Variants in VDR observed in about 807,000 individuals in gnomAD.
VDR encodes the protein vitamin D3 receptor.
A neutral mutation model predicts 39.7 loss-of-function variants in VDR; 19 were observed. The observed-to-expected ratio is 0.48, with a 90% CI of 0.33 to 0.70. The LOEUF (loss-of-function observed/expected upper bound fraction) is 0.70. Among genes scored for constraint, VDR ranks in the 30% least tolerant of loss-of-function variants. The pLI, the probability that VDR is intolerant of heterozygous loss-of-function variation, is 0.02. For synonymous variants in VDR, 242 were observed against 215.8 expected, an observed-to-expected ratio of 1.12 and a Z score of -1.07; for missense variants, 442 against 570.5, an observed-to-expected ratio of 0.77 and a Z score of 2.29.
intron 4 of VDR, among the ~76,000 whole-genome samples, chr12:47,860,381 C>T (rs1450398227): frequency 6.6e-6 from 1 of 152,166 alleles, no homozygotes; most frequent in Non-Finnish European, 1.5e-5. Context: ...ACAGATTACA[C>T]CAACTGTGTG....
At chr12:47,852,536 G>A (rs1945407248) in intron 7 of VDR, among the ~76,000 whole-genome samples, 1 of 152,176 alleles carries the variant, frequency 6.6e-6, no homozygotes. Flanking sequence ...CCTGCCAGAG[G>A]GGCCCTCGCT....
intron 3 of VDR, among the ~76,000 whole-genome samples, chr12:47,878,403 C>T (rs2137200000): frequency 6.6e-6 from 1 of 152,322 alleles, no homozygotes; most frequent in African/African-American, 2.4e-5. Flanking sequence ...TGGCCCTGAT[C>T]AAACAGGAAT....
chr12:47,870,061 C>T (rs1042425320), intron 3 of VDR, among the ~76,000 whole-genome samples: 1 of 152,184 alleles, frequency 6.6e-6, no homozygotes, highest in African/African-American at 2.4e-5. Context: ...AAAGTTTGCT[C>T]CCCAGCTCCA....
chr12:47,876,425 T>C (rs1396615589), intron 3 of VDR, among the ~76,000 whole-genome samples: 1 of 152,186 alleles, frequency 6.6e-6, no homozygotes, highest in Admixed American at 6.5e-5. Flanking sequence ...CTCTTTAGAA[T>C]GTAGCAGCCT....
At chr12:47,866,061 C>T (rs1945728333) in intron 3 of VDR, among the ~76,000 whole-genome samples, 1 of 151,728 alleles carries the variant, frequency 6.6e-6, no homozygotes, top group Admixed American at 6.6e-5. Flanking sequence ...TTCCCCTTCC[C>T]ATTTTAAAAA....
chr12:47,848,862 G>A (rs12299534), intron 7 of VDR, among the ~76,000 whole-genome samples: 3,152 of 152,190 alleles, frequency 0.021, 116 homozygotes, highest in African/African-American at 0.069. Context: ...CACTGCACCC[G>A]GCCACTTGTT....
intron 5 of VDR, 72 bp from the exon 6 acceptor site, chr12:47,857,321 A>G (rs1945511698): frequency 6.2e-7 from 1 of 1,612,544 alleles, no homozygotes; most frequent in Admixed American, 1.7e-5. Context: ...GATCTCTGAT[A>G]GGAATGGCTT....
In VDR at chr12:47,857,293, C is replaced by T. The variant is rs12721367; in HGVS notation, c.463-44G>A. 35,021 of 1,613,632 alleles carry T rather than the reference C, an allele frequency of 0.022. 436 individuals are homozygous for T. Among genetic ancestry groups the T allele is most frequent in the Non-Finnish European group, 0.026 (30,566 of 1,179,900 alleles). On this transcript the variant is annotated intron_variant, in intron 5 of 9. Transcript: ENST00000549336. ...GTCTCAGACCCACATTTTGGGGTTG[C>T]CTTCCTACCTTGGCCCTGATCTCTG...
intron 1 of VDR, 23 bp from the exon 2 acceptor site, chr12:47,882,797 T>C: frequency 6.5e-7 from 1 of 1,530,022 alleles, no homozygotes; most frequent in Non-Finnish European, 8.8e-7. Flanking sequence ...AGGGGAAACC[T>C]TTTATCTAAG....
intron 3 of VDR, among the ~76,000 whole-genome samples, chr12:47,873,405 C>G (rs1162502021): frequency 2.2e-5 from 3 of 135,992 alleles, no homozygotes; most frequent in African/African-American, 8.1e-5. Context: ...CTGTCGCCCA[C>G]GCTGGAGTGC....
chr12:47,889,809 G>GAAAACA (rs553293100), intron 1 of VDR, among the ~76,000 whole-genome samples: 91 of 152,062 alleles, frequency 6.0e-4, no homozygotes, highest in Non-Finnish European at 1.0e-3. Flanking sequence ...GATTTTCTCT[G>GAAAACA]AAAACAAAAA....
chr12:47,877,598 C>T (rs935631712), intron 3 of VDR, among the ~76,000 whole-genome samples: 10 of 152,104 alleles, frequency 6.6e-5, no homozygotes, highest in South Asian at 4.1e-4. Context: ...AGTAAGCAGG[C>T]GCTGAGGTGT....
chr12:47,846,673 G>A lies in VDR; in HGVS notation c.891C>T (p.Val297=), dbSNP rs1407293487. The change falls in exon 8 of 10, where the codon GTC becomes GTT. Residue 297 remains valine, a synonymous_variant. Coordinates refer to ENST00000549336, the MANE Select transcript of VDR (RefSeq NM_000376.3). ...TCGNQDYKYR[V]SDVTKAGHSL... ...TAGGCATACCTTTGGTCACGTCACTGACGCGGTACTTGTAGTCTTGGTTGC... is the reference window on the plus strand; with the variant it reads ...TAGGCATACCTTTGGTCACGTCACTAACGCGGTACTTGTAGTCTTGGTTGC... 1.9e-6 allele frequency: 3 copies of A among 1,613,880 alleles called. No homozygotes were observed. The highest frequency in any genetic ancestry group is 2.2e-5 in the South Asian group (2 of 91,058).
At chr12:47,854,521 G>A (rs1003443157) in intron 7 of VDR, among the ~76,000 whole-genome samples, 2 of 152,196 alleles carry the variant, frequency 1.3e-5, no homozygotes, top group Non-Finnish European at 2.9e-5. Flanking sequence ...TGTTTCACAA[G>A]TCTACATGGC....
At chr12:47,871,295 T>TTTCTTTCTTTCTTTCC (rs1592126273) in intron 3 of VDR, among the ~76,000 whole-genome samples, 1 of 96,756 alleles carries the variant, frequency 1.0e-5, no homozygotes, top group East Asian at 3.0e-4. Context: ...TCTCTTTCTC[T>TTTCTTTCTTTCTTTCC]TTCTTTCTTT....
chr12:47,888,600 G>A (rs969321331), intron 1 of VDR, among the ~76,000 whole-genome samples: 2 of 152,202 alleles, frequency 1.3e-5, no homozygotes, highest in African/African-American at 4.8e-5. Flanking sequence ...TGCTCTCCAG[G>A]TAACAGGCAG....
chr12:47,883,506 G>C (rs1019789646), intron 1 of VDR, among the ~76,000 whole-genome samples: 1 of 152,208 alleles, frequency 6.6e-6, no homozygotes, highest in Non-Finnish European at 1.5e-5. Context: ...CCAGACTCTG[G>C]ATCTTAGCAG....
At chr12:47,904,720 C>A in intron 1 of VDR, 1 of 1,347,244 alleles carries the variant, frequency 7.4e-7, no homozygotes, top group Non-Finnish European at 1.0e-6. Flanking sequence ...TCCTAAGCGC[C>A]GAGGATGTCG....
At chr12:47,869,484 T>C (rs1452625237) in intron 3 of VDR, among the ~76,000 whole-genome samples, 2 of 129,564 alleles carry the variant, frequency 1.5e-5, no homozygotes, top group Admixed American at 1.0e-4. Context: ...TGCAGTGAGC[T>C]GAGATCGTGC....
Sources: gnomAD v4.1 joint callset for allele counts (sites outside exome capture counted in the v4.1 genomes callset) on GRCh38, gnomAD v4.1.1 for gene constraint, MANE v1.5 for transcripts, NCBI Gene and HGNC (gene_info 2026-07-23, HGNC 2026-07-21) for gene names.